The following CNKSR2 variants were observed in gnomAD, a reference collection of about 807,000 sequenced individuals.
CNKSR2 encodes CNK homolog protein 2.
CNKSR2 carries 14 observed loss-of-function variants against 84.4 expected under a neutral mutation model. The observed-to-expected ratio is 0.17, with a 90% CI of 0.11 to 0.26. CNKSR2 has a LOEUF of 0.26. Ranked by LOEUF, CNKSR2 falls within the 10% of genes least tolerant of loss-of-function variation. The probability of loss-of-function intolerance (pLI) is 1.00; values close to 1 mark genes in which losing one functional copy is unlikely to be tolerated. For missense variants in CNKSR2, 485 were observed against 771.2 expected (o/e 0.63, Z 4.40); for synonymous variants, 275 against 277.9 (o/e 0.99, Z 0.10).
chrX:21,440,238 A>C (rs936716676), intron 3 of CNKSR2, among the ~76,000 whole-genome samples: 1 of 111,509 alleles, frequency 9.0e-6, no homozygotes, highest in Non-Finnish European at 1.9e-5. Context: ...TGATACAGGT[A>C]AAGCATTTAG....
At chrX:21,501,742 T>A (rs1204303225) in intron 8 of CNKSR2, among the ~76,000 whole-genome samples, 154 bp downstream of exon 8, 1 of 111,086 alleles carries the variant, frequency 9.0e-6, no homozygotes, top group Non-Finnish European at 1.9e-5. Flanking sequence ...CTTAATTATT[T>A]GATGGAACGT....
intron 1 of CNKSR2, among the ~76,000 whole-genome samples, chrX:21,414,969 T>G (rs1197553676): frequency 8.9e-6 from 1 of 111,771 alleles, no homozygotes; most frequent in Non-Finnish European, 1.9e-5. Context: ...TAGTATAATT[T>G]GAAGTCAGTT....
At chrX:21,451,376 C>T (rs1012559483) in intron 4 of CNKSR2, among the ~76,000 whole-genome samples, 2 of 110,962 alleles carry the variant, frequency 1.8e-5, no homozygotes. Context: ...ATAAATCATG[C>T]TGCTATAAAG....
chrX:21,607,262 AAATT>A (rs1391376756), intron 19 of CNKSR2, among the ~76,000 whole-genome samples: 1 of 112,020 alleles, frequency 8.9e-6, no homozygotes, highest in African/African-American at 3.2e-5. Context: ...GAACTCATAA[AAATT>A]AATATTATAT....
At chrX:21,599,062 C>A (rs2092465892) in intron 17 of CNKSR2, among the ~76,000 whole-genome samples, 2 of 112,640 alleles carry the variant, frequency 1.8e-5, no homozygotes, top group African/African-American at 3.2e-5. Flanking sequence ...AATTTTTCTT[C>A]AATTAACAAA....
chrX:21,435,593 A>T (rs1462576667), intron 3 of CNKSR2, among the ~76,000 whole-genome samples: 2 of 111,676 alleles, frequency 1.8e-5, no homozygotes, highest in Non-Finnish European at 3.8e-5. Context: ...GGTGAATCAC[A>T]GTTGGTAGCT....
intron 1 of CNKSR2, among the ~76,000 whole-genome samples, chrX:21,393,727 A>G (rs904995949): frequency 8.9e-6 from 1 of 112,498 alleles, no homozygotes; most frequent in African/African-American, 3.2e-5. Context: ...GATGGACACA[A>G]GTTCTTCAGT....
In CNKSR2 at chrX:21,648,824, G is replaced by GT; in HGVS notation, c.2693-5dup. 4 of 420,239 alleles carry GT rather than the reference G, an allele frequency of 9.5e-6. No individual in the cohort carries two copies. The highest frequency in any genetic ancestry group is 6.8e-5 in the Admixed American group (1 of 14,775). The allele number at this position is 420,239 out of a possible 1,213,427, so 34.6% of individuals were successfully genotyped here. ...TTTTTTTTTTTTTTTTTTTTTGGATGTTGCAGGTGAAAGCAGAGAAGAAAA... is the reference window on the plus strand; with the variant it reads ...TTTTTTTTTTTTTTTTTTTTTGGATGTTTGCAGGTGAAAGCAGAGAAGAAAA... On this transcript the variant is annotated splice_region_variant and splice_polypyrimidine_tract_variant and intron_variant, in intron 20 of 21. Transcript: ENST00000379510.
At chrX:21,436,666 G>A (rs1282317044) in intron 3 of CNKSR2, among the ~76,000 whole-genome samples, 2 of 111,426 alleles carry the variant, frequency 1.8e-5, no homozygotes, top group Admixed American at 1.9e-4. Context: ...AACTCTACTT[G>A]AGGATTTCTT....
intron 4 of CNKSR2, among the ~76,000 whole-genome samples, chrX:21,458,181 C>A (rs1474450285): frequency 1.8e-5 from 2 of 112,363 alleles, no homozygotes; most frequent in Admixed American, 1.9e-4. Context: ...TAACCACTAG[C>A]TGCATTTGGA....
intron 7 of CNKSR2, among the ~76,000 whole-genome samples, chrX:21,500,810 T>C (rs762138951): frequency 2.7e-5 from 3 of 111,360 alleles, no homozygotes; most frequent in African/African-American, 6.5e-5. Flanking sequence ...TTTTAGTTCA[T>C]TGAATGTGGT....
At chrX:21,425,298 G>GTA (rs1268080207) in intron 1 of CNKSR2, 4 of 111,431 alleles carry the variant, frequency 3.6e-5, no homozygotes, top group Non-Finnish European at 7.5e-5. Context: ...GCCCTCATCA[G>GTA]TATACACATA....
chrX:21,620,754 A>T (rs2086356448), intron 20 of CNKSR2, among the ~76,000 whole-genome samples: 1 of 111,507 alleles, frequency 9.0e-6, no homozygotes, highest in Non-Finnish European at 1.9e-5. Context: ...TGGACAAGAT[A>T]GTCTTTGAAG....
At chrX:21,439,733 A>G (rs1396007468) in intron 3 of CNKSR2, among the ~76,000 whole-genome samples, 2 of 110,686 alleles carry the variant, frequency 1.8e-5, no homozygotes, top group Non-Finnish European at 3.8e-5. Context: ...TGAAATAGAT[A>G]CTCTGAATAA....
At chrX:21,646,412 A>G (rs1186977126) in intron 20 of CNKSR2, among the ~76,000 whole-genome samples, 1 of 111,967 alleles carries the variant, frequency 8.9e-6, no homozygotes, top group African/African-American at 3.2e-5. Context: ...GTCATTTTAT[A>G]TATTGAATCT....
chrX:21,377,618 G>T lies in CNKSR2; in HGVS notation c.64+2657G>T, dbSNP rs138476023. Among the ~76,000 whole-genome samples, 7 of 111,531 alleles carry T rather than the reference G, an allele frequency of 6.3e-5. No individual in the cohort carries two copies. The East Asian group carries it at 2.0e-3, about 31-fold the overall frequency. On this transcript the variant is annotated intron_variant, in intron 1 of 21. Transcript: ENST00000379510. Reference sequence around the variant, plus strand: ...AAGCATATAGTATATGCTTTCAGCTGGTCACAATCATAAATAGTTGTAACT... The same window carrying T: ...AAGCATATAGTATATGCTTTCAGCTTGTCACAATCATAAATAGTTGTAACT...
At chrX:21,433,430 G>A (rs924573180) in intron 3 of CNKSR2, among the ~76,000 whole-genome samples, 6 of 111,322 alleles carry the variant, frequency 5.4e-5, no homozygotes, top group African/African-American at 1.6e-4. Flanking sequence ...ACTGTATGTG[G>A]TTAAACATTA....
At chrX:21,397,228 T>C (rs771872814) in intron 1 of CNKSR2, among the ~76,000 whole-genome samples, 2 of 111,630 alleles carry the variant, frequency 1.8e-5, no homozygotes, top group Admixed American at 1.9e-4. Context: ...ACCGTACTTT[T>C]TGAGGTCCGT....
intron 4 of CNKSR2, among the ~76,000 whole-genome samples, chrX:21,469,196 A>C (rs1430294678): frequency 1.8e-5 from 2 of 111,769 alleles, no homozygotes; most frequent in Non-Finnish European, 3.8e-5. Flanking sequence ...GAAGGTAGGC[A>C]AATAATGGAA....
Sources: gnomAD v4.1 joint callset for allele counts (sites outside exome capture counted in the v4.1 genomes callset) on GRCh38, gnomAD v4.1.1 for gene constraint, MANE v1.5 for transcripts, NCBI Gene and HGNC (gene_info 2026-07-23, HGNC 2026-07-21) for gene names.